UGP2: variants seen among roughly 807,000 people sequenced by gnomAD.
UGP2 encodes the protein UDP-glucose pyrophosphorylase 2.
UGP2 carries 40 observed loss-of-function variants against 49.0 expected under a neutral mutation model. That is an observed-to-expected ratio of 0.82 (90% CI 0.63 to 1.06). The LOEUF is 1.06. Ranked by LOEUF, UGP2 falls within the 50% of genes least tolerant of loss-of-function variation. The pLI is 0.00. For missense variants in UGP2, 460 were observed against 603.5 expected (o/e 0.76, Z 2.49); for synonymous variants, 225 against 213.0 (o/e 1.06, Z -0.49).
intron 3 of UGP2, among the ~76,000 whole-genome samples, chr2:63,878,403 C>A (rs1671066993): frequency 6.6e-6 from 1 of 152,172 alleles, no homozygotes; most frequent in Non-Finnish European, 1.5e-5. Context: ...TTTCTTCAAT[C>A]AGGTATGTTT....
intron 9 of UGP2, 101 bp downstream of exon 9, chr2:63,890,286 TTA>T: frequency 1.3e-6 from 1 of 762,714 alleles, no homozygotes; most frequent in East Asian, 2.8e-5. Context: ...CTTGTTAGTC[TTA>T]GTGCCACCTT....
In UGP2 at chr2:63,891,282, T is replaced by C; in HGVS notation, c.*55T>C. The C allele has an allele frequency of 6.9e-7, 1 of 1,440,842 alleles. No homozygotes were observed. Among genetic ancestry groups the C allele is most frequent in the Non-Finnish European group, 9.7e-7 (1 of 1,031,624 alleles). The allele number at this position is 1,440,842 out of a possible 1,614,324, so 89.3% of individuals were successfully genotyped here. On this transcript the variant is annotated 3_prime_UTR_variant, in exon 10 of 10. Coordinates refer to ENST00000337130, the MANE Select transcript of UGP2 (RefSeq NM_006759.4). ...TGGGCTAGTTTCTTACAATGAAATG[T>C]TCTCTAGGATTCTAAAATAGGCAGG...
chr2:63,842,223 T>C lies in UGP2; in HGVS notation c.19+19T>C. The C allele has an allele frequency of 6.2e-7, 1 of 1,609,774 alleles. No individual in the cohort carries two copies. Among genetic ancestry groups the C allele is most frequent in the Non-Finnish European group, 8.5e-7 (1 of 1,178,846 alleles). On this transcript the variant is annotated intron_variant, in intron 1 of 9. Transcript: ENST00000337130. ...GTACAAGGTAAGAAATGCTGCTGCT[T>C]ATATCCCGAGTTGCTTCAGGCAAAT...
At chr2:63,866,097 G>A (rs1042979236) in intron 3 of UGP2, among the ~76,000 whole-genome samples, 4 of 152,018 alleles carry the variant, frequency 2.6e-5, no homozygotes, top group African/African-American at 9.7e-5. Context: ...AGAAAGACTG[G>A]GAAAATTTCA....
chr2:63,843,000 C>G, intron 1 of UGP2, among the ~76,000 whole-genome samples: 1 of 152,180 alleles, frequency 6.6e-6, no homozygotes, highest in Non-Finnish European at 1.5e-5. Flanking sequence ...TGCAAGTAAA[C>G]TCTTTCCTTG....
At position 63,842,513 on chromosome 2, in the gene UGP2, G is replaced by C. The variant is rs1263799738; in HGVS notation, c.19+309G>C. ...GATTTTTGGCTGCTAATTAATCCTT[G>C]TTCTCTTTTCCTGGTCTGTGTCAAG... On this transcript the variant is annotated intron_variant, in intron 1 of 9. Coordinates refer to ENST00000337130, the MANE Select transcript of UGP2 (RefSeq NM_006759.4). The C allele has an allele frequency of 5.9e-6, 9 of 1,535,122 alleles. No individual in the cohort carries two copies. In the African/African-American group the frequency reaches 1.1e-4, roughly 19 times the overall value.
In UGP2 at chr2:63,889,852, C is replaced by G. The variant is rs1167145639; in HGVS notation, c.1315-229C>G. ...AAGAAAAAAAACCCTTAGATCTGCT[C>G]AACTATCTTGTAAATTGCTTGGTGT... On this transcript the variant is annotated intron_variant, in intron 8 of 9. Transcript: ENST00000337130. 7.1e-6 allele frequency: 3 copies of G among 422,282 alleles called. No homozygotes were observed. In the Admixed American group the frequency reaches 1.3e-4, roughly 19 times the overall value. 26.2% of individuals were successfully genotyped at this position (422,282 alleles called of 1,614,324 possible). A position where few individuals can be genotyped will look rare whatever the true frequency, so the allele number is the denominator to read the frequency against.
chr2:63,882,811 G>T, intron 4 of UGP2, 160 bp downstream of exon 4: 1 of 695,814 alleles, frequency 1.4e-6, no homozygotes, highest in Non-Finnish European at 2.1e-6. Flanking sequence ...GTGTTCTTAA[G>T]GGCAAATCCT....
chr2:63,883,846 T>C lies in UGP2; in HGVS notation c.442-114T>C, dbSNP rs374527945. ...TTTTTGTCAAATCTGTATATTTGGC[T>C]ACGTACAGATGATGTTTTAGATATT... On this transcript the variant is annotated intron_variant, in intron 4 of 9. Coordinates refer to ENST00000337130, the MANE Select transcript of UGP2 (RefSeq NM_006759.4). 1.3e-5 allele frequency: 17 copies of C among 1,319,722 alleles called. No individual in the cohort carries two copies. The East Asian group carries it at 1.9e-4, about 15-fold the overall frequency. The allele number at this position is 1,319,722 out of a possible 1,614,324, so 81.8% of individuals were successfully genotyped here.
At chr2:63,890,307 GTGTAAT>G in intron 9 of UGP2, 122 bp downstream of exon 9, 1 of 590,158 alleles carries the variant, frequency 1.7e-6, no homozygotes, top group East Asian at 3.0e-5. Flanking sequence ...TTAATTACTA[GTGTAAT>G]TATTTTACTG....
chr2:63,875,034 T>C (rs1670823528), intron 3 of UGP2, among the ~76,000 whole-genome samples: 1 of 152,232 alleles, frequency 6.6e-6, no homozygotes, highest in South Asian at 2.1e-4. Context: ...TTATTCTAGG[T>C]ATGACTTTTC....
chr2:63,874,732 G>A (rs1670793242), intron 3 of UGP2, among the ~76,000 whole-genome samples: 1 of 151,538 alleles, frequency 6.6e-6, no homozygotes, highest in African/African-American at 2.4e-5. Context: ...TTGTGGTAAT[G>A]AATGAGTTCT....
chr2:63,875,621 G>A (rs1440037795), intron 3 of UGP2, among the ~76,000 whole-genome samples: 3 of 152,190 alleles, frequency 2.0e-5, no homozygotes, highest in African/African-American at 4.8e-5. Flanking sequence ...GTTGTTTAGA[G>A]CGTGTTCTTC....
intron 1 of UGP2, among the ~76,000 whole-genome samples, chr2:63,849,200 T>G (rs777573440): frequency 1.3e-5 from 2 of 152,240 alleles, no homozygotes; most frequent in Non-Finnish European, 2.9e-5. Context: ...ATTAGTTGTA[T>G]TATGCTTAGT....
intron 3 of UGP2, among the ~76,000 whole-genome samples, chr2:63,860,910 T>C (rs1669795595): frequency 6.6e-6 from 1 of 152,028 alleles, no homozygotes; most frequent in African/African-American, 2.4e-5. Flanking sequence ...AAGGACATAT[T>C]TTATAGATAG....
chr2:63,847,125 T>A (rs2104244765), intron 1 of UGP2, among the ~76,000 whole-genome samples: 1 of 152,268 alleles, frequency 6.6e-6, no homozygotes, highest in African/African-American at 2.4e-5. Flanking sequence ...GGAAAAAAAA[T>A]TGATAAGGGA....
At position 63,891,335 on chromosome 2, in the gene UGP2, GTGT is replaced by G. The variant is rs1672140624; in HGVS notation, c.*111_*113del. The G allele has an allele frequency of 3.7e-6, 3 of 813,190 alleles. No individual in the cohort carries two copies. In the African/African-American group the frequency reaches 5.3e-5, roughly 14 times the overall value. The allele number at this position is 813,190 out of a possible 1,614,324, so 50.4% of individuals were successfully genotyped here. A position where few individuals can be genotyped will look rare whatever the true frequency, so the allele number is the denominator to read the frequency against. ...CTTTACTATGTTACTGTACCCTGCAGTGTTGATTTTTAAAATAGAGTTTTCTGC... is the reference window on the plus strand; with the variant it reads ...CTTTACTATGTTACTGTACCCTGCAGTGATTTTTAAAATAGAGTTTTCTGC... On this transcript the variant is annotated 3_prime_UTR_variant, in exon 10 of 10. Transcript: ENST00000337130.
At chr2:63,849,917 A>G (rs1465955286) in intron 1 of UGP2, among the ~76,000 whole-genome samples, 2 of 152,226 alleles carry the variant, frequency 1.3e-5, no homozygotes, top group East Asian at 1.9e-4. Context: ...AGCAAGTTAC[A>G]CGGCAGGACT....
rs1021587938 is a variant in UGP2, at chr2:63,889,814, C to G, written c.1315-267C>G. Reference sequence around the variant, plus strand: ...ATCTGGCTCTTGGCATGTTGATTATCTTTAAAAAAAAAAAGAAAAAAAACC... The same window carrying G: ...ATCTGGCTCTTGGCATGTTGATTATGTTTAAAAAAAAAAAGAAAAAAAACC... On this transcript the variant is annotated intron_variant, in intron 8 of 9. Coordinates refer to ENST00000337130, the MANE Select transcript of UGP2 (RefSeq NM_006759.4). 1.4e-4 allele frequency: 37 copies of G among 261,256 alleles called. 1 individual carries two copies. The Admixed American group carries it at 1.8e-3, about 13-fold the overall frequency. 16.2% of individuals were successfully genotyped at this position (261,256 alleles called of 1,614,324 possible).
Sources: gnomAD v4.1 joint callset for allele counts (sites outside exome capture counted in the v4.1 genomes callset) on GRCh38, gnomAD v4.1.1 for gene constraint, MANE v1.5 for transcripts, NCBI Gene and HGNC (gene_info 2026-07-23, HGNC 2026-07-21) for gene names.